C12orf42: variants seen among roughly 807,000 people sequenced by gnomAD.
The protein encoded by C12orf42 is chromosome 12 open reading frame 42.
C12orf42 carries 25 observed loss-of-function variants against 21.6 expected under a neutral mutation model. That is an observed-to-expected ratio of 1.16 (90% CI 0.84 to 1.62). The LOEUF is 1.62. Among genes scored for constraint, C12orf42 ranks in the 40% most tolerant of loss-of-function variants. The probability of loss-of-function intolerance (pLI) is 0.00; values close to 1 mark genes in which losing one functional copy is unlikely to be tolerated. For missense variants in C12orf42, 483 were observed against 459.3 expected (o/e 1.05, Z -0.47); for synonymous variants, 174 against 175.0 (o/e 0.99, Z 0.05).
chr12:103,169,003 C>G, the C12orf42 span, among the ~76,000 whole-genome samples: 1 of 151,624 alleles, frequency 6.6e-6, no homozygotes, highest in Non-Finnish European at 1.5e-5. Flanking sequence ...CACACTGGAG[C>G]CTGTTGGGGG....
chr12:103,304,735 T>A (rs937469229), intron 5 of C12orf42, among the ~76,000 whole-genome samples: 1 of 152,308 alleles, frequency 6.6e-6, no homozygotes, highest in Admixed American at 6.5e-5. Context: ...AATTCAAAAG[T>A]GTTAGCCGAC....
chr12:103,165,519 A>G, the C12orf42 span, among the ~76,000 whole-genome samples: 1 of 152,264 alleles, frequency 6.6e-6, no homozygotes, highest in African/African-American at 2.4e-5. Flanking sequence ...GGTGGCATAT[A>G]GAAACAGTGG....
At chr12:103,256,052 CAAAAAAAAAAAAAAAAAAAA>C (rs1161719991) in intron 10 of C12orf42, among the ~76,000 whole-genome samples, 22 of 17,536 alleles carry the variant, frequency 1.3e-3, no homozygotes, top group South Asian at 7.9e-3. Flanking sequence ...GACTCTGTCT[CAAAAAAAAAAAAAAAAAAAA>C]AAAAAAAAAA....
At chr12:103,070,137 C>T in the C12orf42 span, among the ~76,000 whole-genome samples, 1 of 152,186 alleles carries the variant, frequency 6.6e-6, no homozygotes, top group Non-Finnish European at 1.5e-5. Context: ...TTCTTGGTCT[C>T]TTGTCCTGGG....
At chr12:103,143,100 C>T in the C12orf42 span, among the ~76,000 whole-genome samples, 1 of 152,162 alleles carries the variant, frequency 6.6e-6, no homozygotes, top group Non-Finnish European at 1.5e-5. Context: ...TGCAAGTTTT[C>T]ACCTCAGGGA....
upstream of C12orf42, among the ~76,000 whole-genome samples, chr12:103,499,087 T>A (rs886167844): frequency 6.6e-6 from 1 of 151,840 alleles, no homozygotes; most frequent in South Asian, 2.1e-4. Flanking sequence ...AGTTGATAGA[T>A]GATGGGGAGC....
At chr12:103,310,158 A>G (rs1301138645) in intron 4 of C12orf42, among the ~76,000 whole-genome samples, 1 of 152,180 alleles carries the variant, frequency 6.6e-6, no homozygotes, top group African/African-American at 2.4e-5. Flanking sequence ...CGAATGGTTT[A>G]GCACTATCCC....
chr12:103,367,273 G>C (rs1403964870), intron 4 of C12orf42, among the ~76,000 whole-genome samples: 2 of 151,848 alleles, frequency 1.3e-5, no homozygotes, highest in South Asian at 2.1e-4. Context: ...GAATGATAGA[G>C]GGACTTTGAG....
chr12:103,271,854 C>A (rs2035494847), intron 5 of C12orf42, among the ~76,000 whole-genome samples: 1 of 152,148 alleles, frequency 6.6e-6, no homozygotes, highest in South Asian at 2.1e-4. Context: ...ATTTAAAAAA[C>A]AAACACAGCA....
chr12:103,488,955 A>T (rs571830096), intron 1 of C12orf42, among the ~76,000 whole-genome samples: 1 of 152,332 alleles, frequency 6.6e-6, no homozygotes, highest in Non-Finnish European at 1.5e-5. Flanking sequence ...CTGTCAACTC[A>T]TCAAAGTCAT....
At chr12:103,365,714 A>T (rs2044538840) in intron 4 of C12orf42, among the ~76,000 whole-genome samples, 3 of 151,948 alleles carry the variant, frequency 2.0e-5, no homozygotes, top group Admixed American at 6.6e-5. Flanking sequence ...AAAAAACTCA[A>T]CCCTTTTTAC....
chr12:103,145,129 T>C, the C12orf42 span, among the ~76,000 whole-genome samples: 1 of 152,066 alleles, frequency 6.6e-6, no homozygotes, highest in Middle Eastern at 3.2e-3. Flanking sequence ...TATTGGAGAG[T>C]CCCCGTCTCC....
the C12orf42 span, among the ~76,000 whole-genome samples, chr12:103,207,170 C>T: frequency 6.6e-6 from 1 of 152,194 alleles, no homozygotes; most frequent in Non-Finnish European, 1.5e-5. Flanking sequence ...TTGCTCCCTC[C>T]ACCTGAGTGC....
the C12orf42 span, among the ~76,000 whole-genome samples, chr12:103,118,456 T>G: frequency 1.3e-5 from 2 of 152,302 alleles, 1 homozygote; most frequent in Admixed American, 1.3e-4. Flanking sequence ...CATATGGACC[T>G]TTCACATATG....
chr12:103,388,191 T>C (rs981835940), intron 3 of C12orf42, among the ~76,000 whole-genome samples: 4 of 152,132 alleles, frequency 2.6e-5, no homozygotes, highest in Admixed American at 6.5e-5. Flanking sequence ...TAACTCTGAG[T>C]GCCATCTGCT....
At chr12:103,067,385 C>A in the C12orf42 span, among the ~76,000 whole-genome samples, 1 of 152,142 alleles carries the variant, frequency 6.6e-6, no homozygotes, top group African/African-American at 2.4e-5. Context: ...TCTTGCCATG[C>A]TCCCCATCAT....
chr12:103,530,146 T>C, the C12orf42 span, among the ~76,000 whole-genome samples: 1 of 152,236 alleles, frequency 6.6e-6, no homozygotes, highest in African/African-American at 2.4e-5. Context: ...AATTTCCATT[T>C]CGTACTTTTT....
At chr12:103,518,167 A>G in the C12orf42 span, among the ~76,000 whole-genome samples, 1 of 152,218 alleles carries the variant, frequency 6.6e-6, no homozygotes, top group Non-Finnish European at 1.5e-5. Flanking sequence ...CAGGCCTGCC[A>G]CAGTCTACTG....
chr12:103,499,849 A>G (rs1955675641), upstream of C12orf42, among the ~76,000 whole-genome samples: 1 of 152,230 alleles, frequency 6.6e-6, no homozygotes, highest in African/African-American at 2.4e-5. Context: ...ATGTGAGTTT[A>G]GAAGGAAAGG....
Sources: allele counts gnomAD v4.1 joint callset (sites outside exome capture counted in the v4.1 genomes callset), GRCh38; gene constraint gnomAD v4.1.1; transcripts MANE v1.5; gene names NCBI Gene and HGNC (gene_info 2026-07-23, HGNC 2026-07-21).